Variants in USP42 observed in about 807,000 individuals in gnomAD.
USP42 encodes the protein ubiquitin carboxyl-terminal hydrolase 42.
USP42 carries 23 observed loss-of-function variants against 113.0 expected under a neutral mutation model. The ratio of observed to expected loss-of-function variants is 0.20; its 90% CI spans 0.15 to 0.29. The LOEUF is 0.29. Ranked by LOEUF, USP42 falls within the 10% of genes least tolerant of loss-of-function variation. The pLI is 1.00. For missense variants in USP42, 2,174 were observed against 1,779.8 expected (o/e 1.22, Z -3.99); for synonymous variants, 933 against 699.0 (o/e 1.33, Z -5.28).
intron 2 of USP42, 60 bp from the exon 3 acceptor site, chr7:6,115,263 A>G (rs944737113): frequency 3.9e-6 from 6 of 1,543,796 alleles, no homozygotes; most frequent in Non-Finnish European, 5.3e-6. Context: ...AGGTGTTACT[A>G]TTTATTTAGC....
intron 3 of USP42, among the ~76,000 whole-genome samples, chr7:6,117,109 C>T (rs1042191908): frequency 2.6e-5 from 4 of 151,998 alleles, no homozygotes; most frequent in African/African-American, 7.3e-5. Context: ...TTTGTATACA[C>T]CCGTGGAACT....
chr7:6,123,488 C>T (rs112010449), intron 3 of USP42, among the ~76,000 whole-genome samples: 10 of 152,036 alleles, frequency 6.6e-5, no homozygotes, highest in African/African-American at 2.2e-4. Context: ...ACGGTGAAAC[C>T]CCGTCTCTAC....
chr7:6,149,554 C>G (rs772247339), intron 12 of USP42, 29 bp from the exon 13 acceptor site: 7 of 1,583,164 alleles, frequency 4.4e-6, no homozygotes, highest in South Asian at 2.3e-5. Context: ...TTCTGGAGCT[C>G]TGACCAGGTG....
rs185110158 is a variant in USP42, at chr7:6,161,076, T to C, written c.*558T>C. 6.5e-5 allele frequency: 10 copies of C among 152,808 alleles called. No homozygotes were observed. The highest frequency in any genetic ancestry group is 3.3e-4 in the Admixed American group (5 of 15,304). 9.5% of individuals were successfully genotyped at this position (152,808 alleles called of 1,614,324 possible). A position where few individuals can be genotyped will look rare whatever the true frequency, so the allele number is the denominator to read the frequency against. The stretch of plus-strand genomic sequence containing the variant: ...ATTCAAGATTTGAAGATGTATTTTA[T>C]AGACAAGTTCTGTTTTTGAACTTTG... On this transcript the variant is annotated 3_prime_UTR_variant, in exon 18 of 18. Transcript: ENST00000306177.
chr7:6,129,659 A>C (rs1214371599), intron 3 of USP42, among the ~76,000 whole-genome samples: 3 of 151,282 alleles, frequency 2.0e-5, no homozygotes, highest in Non-Finnish European at 4.4e-5. Context: ...TCAGGGATTC[A>C]AGACCAGCCT....
rs568034990 is a variant in USP42, at chr7:6,128,906, A to T, written c.443-6935A>T. Among the ~76,000 whole-genome samples, 13 of 151,228 alleles carry T rather than the reference A, an allele frequency of 8.6e-5. No individual in the cohort carries two copies. In the South Asian group the frequency reaches 1.9e-3, roughly 22 times the overall value. On this transcript the variant is annotated intron_variant, in intron 3 of 17. Coordinates refer to ENST00000306177, the MANE Select transcript of USP42 (RefSeq NM_032172.3). ...CACCATCTCAGCTCACTACAGCCTC[A>T]GTCTCCCAACCTCAAATGATCCTCC...
chr7:6,104,086 CTTTTT>C (rs1287931423), upstream of USP42, among the ~76,000 whole-genome samples: 1 of 151,202 alleles, frequency 6.6e-6, no homozygotes, highest in Non-Finnish European at 1.5e-5. Flanking sequence ...CTTTTCTTTT[CTTTTT>C]TGAGACAGAC....
chr7:6,153,909 T>A lies in USP42; in HGVS notation c.2355T>A (p.Ala785=), dbSNP rs752859603. The change falls in exon 15 of 18, where the codon GCT becomes GCA. Residue 785 remains alanine, a synonymous_variant. Coordinates refer to ENST00000306177, the MANE Select transcript of USP42 (RefSeq NM_032172.3). ...CGCCCCGCGATCCCGGCACCCCCGC[T>A]ACCAAAGAAGGCGCCTGGGAGGCCA... ...APPPRDPGTP[A]TKEGAWEAMA... 26 of 1,598,144 alleles carry A rather than the reference T, an allele frequency of 1.6e-5. No individual in the cohort carries two copies. Among genetic ancestry groups the A allele is most frequent in the Non-Finnish European group, 2.0e-5 (23 of 1,174,534 alleles).
intron 3 of USP42, among the ~76,000 whole-genome samples, chr7:6,123,832 CAA>C (rs34032326): frequency 3.0e-4 from 22 of 72,756 alleles, no homozygotes; most frequent in Non-Finnish European, 6.4e-4. Flanking sequence ...GACCCTGTCT[CAA>C]AAAAAAAAAA....
In USP42 at chr7:6,139,108, C is replaced by T. The variant is rs377136354; in HGVS notation, c.570C>T (p.Phe190=). 1.6e-5 allele frequency: 25 copies of T among 1,608,198 alleles called. No individual in the cohort carries two copies. In the African/African-American group the frequency reaches 2.7e-4, roughly 17 times the overall value. ...INEMRRIARH[F]RFGNQEDAHE... ...ATTTTACAGGTATAGCTAGGCACTTCCGTTTTGGAAACCAAGAAGATGCCC... is the reference window on the plus strand; with the variant it reads ...ATTTTACAGGTATAGCTAGGCACTTTCGTTTTGGAAACCAAGAAGATGCCC... Residue 190 remains phenylalanine (F), a synonymous_variant, in exon 5 of 18, where the codon TTC becomes TTT. Transcript: ENST00000306177. This position sits in a 1 kb window ranked among gnomAD's most constrained non-coding sequence, Gnocchi z 4.5.
chr7:6,082,176 T>C, the USP42 span, among the ~76,000 whole-genome samples: 1 of 151,782 alleles, frequency 6.6e-6, no homozygotes, highest in Non-Finnish European at 1.5e-5. Context: ...TCGCCCAGGC[T>C]GGAGTGCAGT....
chr7:6,154,552 C>T lies in USP42; in HGVS notation c.2998C>T (p.Pro1000Ser). 6.5e-7 allele frequency: 1 copy of T among 1,548,196 alleles called. No homozygotes were observed. The highest frequency in any genetic ancestry group is 8.7e-7 in the Non-Finnish European group (1 of 1,148,356). ...GGACCGCCACGCCCCGGAGCACCAC[C>T]CCGGCCACGGCGACAGGCTCAGCCC... ...RQDRHAPEHH[P>S]GHGDRLSPGE... The change falls in exon 15 of 18, where the codon CCC (proline) becomes TCC (serine). Residue 1000 changes from proline to serine, a missense_variant. Pro to Ser is a moderately conservative substitution (Grantham distance 74). Coordinates refer to ENST00000306177, the MANE Select transcript of USP42 (RefSeq NM_032172.3).
intron 15 of USP42, 146 bp downstream of exon 15, chr7:6,155,341 G>A (rs1782384263): frequency 7.3e-7 from 1 of 1,362,494 alleles, no homozygotes; most frequent in Admixed American, 3.0e-5. Flanking sequence ...TGTGGGTTTT[G>A]AGAGTTCACT....
In USP42 at chr7:6,148,699, T is replaced by C. The variant is rs10243841; in HGVS notation, c.1386+807T>C. 1.6e-3 allele frequency among the ~76,000 whole-genome samples: 241 copies of C among 152,322 alleles called. 1 individual carries two copies. Among genetic ancestry groups the C allele is most frequent in the African/African-American group, 5.3e-3 (222 of 41,566 alleles). On this transcript the variant is annotated intron_variant, in intron 12 of 17. Transcript: ENST00000306177. Reference sequence around the variant, plus strand: ...TGGGGGCCTCATCTGAGCTGTGGCATCTTCACAGCTTTTCGACTTGAGTTT... The same window carrying C: ...TGGGGGCCTCATCTGAGCTGTGGCACCTTCACAGCTTTTCGACTTGAGTTT...
At chr7:6,131,576 G>T (rs1472318382) in intron 3 of USP42, among the ~76,000 whole-genome samples, 1 of 152,178 alleles carries the variant, frequency 6.6e-6, no homozygotes. Context: ...TGTCACACGA[G>T]GCTGCCCCTT....
At chr7:6,082,937 A>G in the USP42 span, among the ~76,000 whole-genome samples, 2 of 145,210 alleles carry the variant, frequency 1.4e-5, no homozygotes, top group Admixed American at 1.4e-4. Flanking sequence ...ATATATAGAT[A>G]CATATATATA....
intron 2 of USP42, among the ~76,000 whole-genome samples, chr7:6,113,001 T>TCAAG (rs980497304): frequency 2.0e-5 from 3 of 151,024 alleles, no homozygotes; most frequent in African/African-American, 7.3e-5. Flanking sequence ...CCTGCTGGGT[T>TCAAG]CAAGCAATTC....
At chr7:6,092,697 TA>T in the USP42 span, among the ~76,000 whole-genome samples, 1 of 151,250 alleles carries the variant, frequency 6.6e-6, no homozygotes, top group African/African-American at 2.5e-5. Context: ...TCTAAATTAA[TA>T]TTTTGTCAAT....
At chr7:6,143,705 T>C (rs1186798058) in intron 8 of USP42, among the ~76,000 whole-genome samples, 6 of 152,092 alleles carry the variant, frequency 3.9e-5, no homozygotes, top group African/African-American at 1.4e-4. Flanking sequence ...TTTCATATAA[T>C]AATTATTATT....
Sources: allele counts gnomAD v4.1 joint callset (sites outside exome capture counted in the v4.1 genomes callset), GRCh38; gene constraint gnomAD v4.1.1; non-coding constraint Gnocchi (gnomAD v3.1); transcripts MANE v1.5; gene names NCBI Gene and HGNC (gene_info 2026-07-23, HGNC 2026-07-21).